The following CHRM3 variants were observed in gnomAD, a reference collection of about 807,000 sequenced individuals.
The protein encoded by CHRM3 is cholinergic receptor muscarinic 3, also known as muscarinic acetylcholine receptor M3.
Under a neutral mutation model 41.8 loss-of-function variants are expected in CHRM3, and 11 were observed. The observed-to-expected ratio is 0.26, with a 90% CI of 0.17 to 0.44. CHRM3 has a LOEUF of 0.44. Ranked by LOEUF, CHRM3 falls within the 20% of genes least tolerant of loss-of-function variation. The pLI is 1.00. For synonymous variants in CHRM3, 297 were observed against 301.4 expected, an observed-to-expected ratio of 0.99 and a Z score of 0.15; for missense variants, 571 against 745.4, an observed-to-expected ratio of 0.77 and a Z score of 2.72.
In CHRM3 at chr1:239,614,660, G is replaced by T. The variant is rs1425907196; in HGVS notation, c.-312-17564G>T. On this transcript the variant is annotated intron_variant, in intron 3 of 6. Coordinates refer to ENST00000676153, the MANE Select transcript of CHRM3 (RefSeq NM_001375978.1). The stretch of plus-strand genomic sequence containing the variant: ...TATGCTGGGCCCAGGAAAAATGGAC[G>T]TAAGTTCCTAACTCCATTCTTTCCT... 2.6e-5 allele frequency among the ~76,000 whole-genome samples: 4 copies of T among 152,238 alleles called. No homozygotes were observed. In the East Asian group the frequency reaches 7.7e-4, roughly 29 times the overall value.
intron 1 of CHRM3, among the ~76,000 whole-genome samples, chr1:239,486,912 G>A (rs1309792337): frequency 2.0e-5 from 3 of 152,014 alleles, no homozygotes; most frequent in Non-Finnish European, 2.9e-5. Flanking sequence ...TTATATCCTC[G>A]CATTCAGTAA....
rs558218644 is a variant in CHRM3 at position 239,500,354 on chromosome 1, A to T, written c.-422+7547A>T. Among the ~76,000 whole-genome samples the T allele has an allele frequency of 3.9e-4, 60 of 152,090 alleles. No homozygotes were observed. The South Asian group carries it at 8.7e-3, about 22-fold the overall frequency. On this transcript the variant is annotated intron_variant, in intron 2 of 6. Transcript: ENST00000676153. The stretch of plus-strand genomic sequence containing the variant: ...AGTTGGAAACCATCATTCTCAGCAA[A>T]CTACCGCAAGGACAAAAAACCAAAC...
intron 2 of CHRM3, among the ~76,000 whole-genome samples, chr1:239,541,556 G>T (rs1658777162): frequency 6.6e-6 from 1 of 151,760 alleles, no homozygotes; most frequent in Non-Finnish European, 1.5e-5. Context: ...CCGTCACCCA[G>T]GCTGGAGTGC....
At chr1:239,572,661 G>T (rs1661936067) in intron 3 of CHRM3, among the ~76,000 whole-genome samples, 1 of 152,228 alleles carries the variant, frequency 6.6e-6, no homozygotes, top group South Asian at 2.1e-4. Context: ...TGTTCCCAAG[G>T]ATAACAGGGT....
chr1:239,519,236 A>G (rs1669468237), intron 2 of CHRM3, among the ~76,000 whole-genome samples: 2 of 152,166 alleles, frequency 1.3e-5, no homozygotes, highest in South Asian at 4.1e-4. Context: ...ATAATATAAA[A>G]ATGTAGCATG....
At chr1:239,875,228 A>C (rs1009997133) in intron 6 of CHRM3, among the ~76,000 whole-genome samples, 5 of 152,210 alleles carry the variant, frequency 3.3e-5, no homozygotes, top group Admixed American at 1.3e-4. Flanking sequence ...GCTTGAGAGC[A>C]GATGGGGGTT....
intron 2 of CHRM3, among the ~76,000 whole-genome samples, chr1:239,534,716 C>T (rs1658026813): frequency 6.6e-6 from 1 of 152,146 alleles, no homozygotes; most frequent in South Asian, 2.1e-4. Context: ...AGCTAATGTA[C>T]ATTTTAAAGG....
At chr1:239,460,404 T>C (rs17584748) in intron 1 of CHRM3, among the ~76,000 whole-genome samples, 5,196 of 152,258 alleles carry the variant, frequency 0.034, 99 homozygotes, top group Non-Finnish European at 0.044. Flanking sequence ...TATTAGGAGA[T>C]AAATTTGCTA....
intron 5 of CHRM3, among the ~76,000 whole-genome samples, chr1:239,797,322 A>G (rs1272170582): frequency 6.6e-6 from 1 of 152,102 alleles, no homozygotes; most frequent in Non-Finnish European, 1.5e-5. Flanking sequence ...CCAGGTAGCA[A>G]ACCTGCACAT....
intron 1 of CHRM3, among the ~76,000 whole-genome samples, chr1:239,485,279 G>A (rs1279281674): frequency 6.6e-6 from 1 of 151,950 alleles, no homozygotes; most frequent in Non-Finnish European, 1.5e-5. Flanking sequence ...ACATGAACAG[G>A]GTATAATACT....
chr1:239,770,277 A>G (rs556434052), intron 5 of CHRM3, among the ~76,000 whole-genome samples: 1 of 152,312 alleles, frequency 6.6e-6, no homozygotes, highest in South Asian at 2.1e-4. Context: ...GGGCCTAGAC[A>G]GTGTATGTGT....
At chr1:239,634,690 A>C (rs1486939090) in intron 4 of CHRM3, among the ~76,000 whole-genome samples, 1 of 152,194 alleles carries the variant, frequency 6.6e-6, no homozygotes, top group Non-Finnish European at 1.5e-5. Flanking sequence ...GTTCAGAAAA[A>C]AAAATACAGG....
intron 3 of CHRM3, among the ~76,000 whole-genome samples, chr1:239,614,810 G>A (rs1238313450): frequency 1.3e-5 from 2 of 152,132 alleles, no homozygotes; most frequent in Middle Eastern, 3.2e-3. Flanking sequence ...GGACAACAGT[G>A]TGCTTTAATT....
chr1:239,873,339 C>G (rs1161900918), intron 6 of CHRM3, among the ~76,000 whole-genome samples: 1 of 152,000 alleles, frequency 6.6e-6, no homozygotes, highest in African/African-American at 2.4e-5. Flanking sequence ...CAAAGGGAAA[C>G]TTTCTCTTTT....
intron 5 of CHRM3, among the ~76,000 whole-genome samples, chr1:239,792,574 C>A (rs1047361820): frequency 5.3e-5 from 8 of 152,150 alleles, no homozygotes; most frequent in Non-Finnish European, 1.2e-4. Context: ...AGAGTTCTTT[C>A]CCATCTTCAA....
chr1:239,742,235 C>G (rs1664922033), intron 5 of CHRM3, among the ~76,000 whole-genome samples: 1 of 152,054 alleles, frequency 6.6e-6, no homozygotes, highest in African/African-American at 2.4e-5. Context: ...TCTCAGTTAT[C>G]TATTACTATA....
chr1:239,493,128 GA>G (rs1667661199), intron 2 of CHRM3, among the ~76,000 whole-genome samples: 1 of 152,072 alleles, frequency 6.6e-6, no homozygotes, highest in East Asian at 1.9e-4. Context: ...TTTTTGCAAG[GA>G]AAAAACTAAT....
intron 5 of CHRM3, among the ~76,000 whole-genome samples, chr1:239,730,196 A>G: frequency 6.6e-6 from 1 of 151,998 alleles, no homozygotes; most frequent in East Asian, 1.9e-4. Flanking sequence ...TTTTATCCTC[A>G]ATTTTAACTT....
At chr1:239,554,034 C>T (rs1245747834) in intron 3 of CHRM3, among the ~76,000 whole-genome samples, 1 of 152,080 alleles carries the variant, frequency 6.6e-6, no homozygotes, top group Non-Finnish European at 1.5e-5. Flanking sequence ...GGATTACAGG[C>T]ATGTGCCACT....
Sources: allele counts gnomAD v4.1 joint callset (sites outside exome capture counted in the v4.1 genomes callset), GRCh38; gene constraint gnomAD v4.1.1; transcripts MANE v1.5; gene names NCBI Gene and HGNC (gene_info 2026-07-23, HGNC 2026-07-21).